TERB1: variants seen among roughly 807,000 people sequenced by gnomAD.
TERB1 encodes telomere repeat binding bouquet formation protein 1.
A neutral mutation model predicts 92.3 loss-of-function variants in TERB1; 63 were observed. That is an observed-to-expected ratio of 0.68 (90% CI 0.56 to 0.84). TERB1 has a LOEUF of 0.84. Among genes scored for constraint, TERB1 ranks in the 40% least tolerant of loss-of-function variants. The probability of loss-of-function intolerance (pLI) is 0.00; values close to 1 mark genes in which losing one functional copy is unlikely to be tolerated. For synonymous variants in TERB1, 252 were observed against 283.9 expected, an observed-to-expected ratio of 0.89 and a Z score of 1.13; for missense variants, 709 against 843.7, an observed-to-expected ratio of 0.84 and a Z score of 1.98.
chr16:66,797,596 TCTAC>T (rs1308970715), intron 2 of TERB1, among the ~76,000 whole-genome samples: 1 of 149,034 alleles, frequency 6.7e-6, no homozygotes, highest in East Asian at 2.0e-4. Context: ...TAGGGACCCC[TCTAC>T]CTAAGAGAGG....
chr16:66,767,539 T>C, intron 15 of TERB1, 29 bp from the exon 16 acceptor site: 1 of 914,506 alleles, frequency 1.1e-6, no homozygotes, highest in Non-Finnish European at 1.7e-6. Flanking sequence ...TGAAGGATTT[T>C]TGGATTAATG....
intron 16 of TERB1, among the ~76,000 whole-genome samples, chr16:66,765,803 G>C (rs1298217600): frequency 6.8e-6 from 1 of 147,962 alleles, no homozygotes; most frequent in African/African-American, 2.5e-5. Context: ...GCTGGGAGGA[G>C]TGGATGAATA....
intron 2 of TERB1, among the ~76,000 whole-genome samples, chr16:66,798,897 A>G (rs1567481688): frequency 6.6e-6 from 1 of 152,258 alleles, no homozygotes; most frequent in Non-Finnish European, 1.5e-5. Flanking sequence ...AAGGACGAAG[A>G]TACATGAGGA....
intron 13 of TERB1, among the ~76,000 whole-genome samples, chr16:66,771,004 C>A (rs1319086385): frequency 6.6e-6 from 1 of 152,060 alleles, no homozygotes; most frequent in African/African-American, 2.4e-5. Context: ...GCATACAACA[C>A]CACACCTGGC....
upstream of TERB1, among the ~76,000 whole-genome samples, chr16:66,801,821 TAGGG>T: frequency 6.6e-6 from 1 of 152,324 alleles, no homozygotes; most frequent in Admixed American, 6.5e-5. Context: ...GCCCCAAAAT[TAGGG>T]GACTGTGCAC....
chr16:66,793,182 C>T (rs2018865167), intron 3 of TERB1, among the ~76,000 whole-genome samples: 2 of 144,000 alleles, frequency 1.4e-5, no homozygotes, highest in South Asian at 4.4e-4. Context: ...CAATACAGTA[C>T]TTAGTCTCAC....
At chr16:66,772,338 C>T (rs762200582) in intron 13 of TERB1, among the ~76,000 whole-genome samples, 1 of 151,938 alleles carries the variant, frequency 6.6e-6, no homozygotes, top group South Asian at 2.1e-4. Flanking sequence ...AGAAATTAGC[C>T]GGGTGTGGTG....
At chr16:66,777,578 CAT>C (rs2018569347) in intron 10 of TERB1, among the ~76,000 whole-genome samples, 1 of 152,130 alleles carries the variant, frequency 6.6e-6, no homozygotes, top group Non-Finnish European at 1.5e-5. Context: ...ATACTAAAGA[CAT>C]ATTACTAAAG....
At chr16:66,778,301 G>T (rs1347172078) in intron 10 of TERB1, among the ~76,000 whole-genome samples, 1 of 151,526 alleles carries the variant, frequency 6.6e-6, no homozygotes, top group Non-Finnish European at 1.5e-5. Flanking sequence ...GTCTCGATAT[G>T]TTGACCAAGC....
intron 16 of TERB1, among the ~76,000 whole-genome samples, chr16:66,766,191 G>C (rs889493227): frequency 6.6e-6 from 1 of 151,974 alleles, no homozygotes; most frequent in Non-Finnish European, 1.5e-5. Context: ...TTAAGATGAG[G>C]AAAAATGAGC....
At chr16:66,778,394 C>A (rs1206762481) in intron 10 of TERB1, among the ~76,000 whole-genome samples, 1 of 151,972 alleles carries the variant, frequency 6.6e-6, no homozygotes, top group African/African-American at 2.4e-5. Context: ...CCACCACACA[C>A]AGCCTGAAAT....
chr16:66,799,534 G>C (rs981599022), intron 2 of TERB1, among the ~76,000 whole-genome samples: 2 of 151,814 alleles, frequency 1.3e-5, no homozygotes, highest in Non-Finnish European at 2.9e-5. Flanking sequence ...GGCCTAAGAG[G>C]GGTAATGTAT....
chr16:66,787,748 A>G (rs1285276446), intron 6 of TERB1, among the ~76,000 whole-genome samples: 1 of 152,226 alleles, frequency 6.6e-6, no homozygotes, highest in Non-Finnish European at 1.5e-5. Context: ...TGAATGATTA[A>G]ATACATGCTA....
At chr16:66,767,533 G>GCACCC in intron 15 of TERB1, 23 bp from the exon 16 acceptor site, 2 of 985,476 alleles carry the variant, frequency 2.0e-6, no homozygotes, top group Non-Finnish European at 3.0e-6. Context: ...GCAAAATGAA[G>GCACCC]GATTTTTGGA....
chr16:66,793,530 G>T (rs1158143355), intron 3 of TERB1, among the ~76,000 whole-genome samples: 3 of 150,354 alleles, frequency 2.0e-5, no homozygotes, highest in African/African-American at 7.3e-5. Flanking sequence ...GTTTTTTTTT[G>T]AAATGGAGTC....
intron 13 of TERB1, 58 bp downstream of exon 13, chr16:66,772,531 G>C (rs568139670): frequency 2.6e-5 from 37 of 1,441,244 alleles, no homozygotes; most frequent in Middle Eastern, 4.0e-4. Flanking sequence ...GGAGAAAAAA[G>C]AAAGAAATTT....
chr16:66,788,875 G>C lies in TERB1; in HGVS notation c.272-578C>G, dbSNP rs538593701. On this transcript the variant is annotated intron_variant, in intron 5 of 18. Transcript: ENST00000433154. ...ACCAGCCATTAGACCCTATCTCAAA[G>C]GCAAGGACTAAGCCAGGCACAGAAA... is the stretch of plus-strand genomic sequence containing the variant. Among the ~76,000 whole-genome samples the C allele has an allele frequency of 6.6e-5, 10 of 151,912 alleles. No individual in the cohort carries two copies. In the East Asian group the frequency reaches 1.5e-3, roughly 23 times the overall value.
intron 9 of TERB1, among the ~76,000 whole-genome samples, chr16:66,782,221 C>T (rs547918777): frequency 2.6e-4 from 39 of 152,274 alleles, no homozygotes; most frequent in African/African-American, 8.7e-4. Context: ...ATGTATGAGT[C>T]TATTTCTGGG....
At chr16:66,780,883 C>T (rs1437658506) in intron 9 of TERB1, among the ~76,000 whole-genome samples, 1 of 152,108 alleles carries the variant, frequency 6.6e-6, no homozygotes, top group Non-Finnish European at 1.5e-5. Flanking sequence ...TATGAGTATT[C>T]GTTTCAAACA....
Sources: allele counts gnomAD v4.1 joint callset (sites outside exome capture counted in the v4.1 genomes callset), GRCh38; gene constraint gnomAD v4.1.1; transcripts MANE v1.5; gene names NCBI Gene and HGNC (gene_info 2026-07-23, HGNC 2026-07-21).